The following NR2E3 variants were observed in gnomAD, a reference collection of about 807,000 sequenced individuals.
NR2E3 encodes the protein nuclear receptor subfamily 2 group E member 3, also known as photoreceptor-specific nuclear receptor.
NR2E3 carries 38 observed loss-of-function variants against 37.6 expected under a neutral mutation model. The observed-to-expected ratio is 1.01, with a 90% CI of 0.78 to 1.33. The LOEUF is 1.33. Among genes scored for constraint, NR2E3 ranks in the 40% most tolerant of loss-of-function variants. The pLI is 0.00. For synonymous variants in NR2E3, 235 were observed against 225.1 expected (o/e 1.04, Z -0.39); for missense variants, 562 against 558.7 (o/e 1.01, Z -0.06).
intron 4 of NR2E3, 76 bp from the exon 5 acceptor site, chr15:71,812,260 C>G (rs2054190608): frequency 6.2e-7 from 1 of 1,609,912 alleles, no homozygotes. Flanking sequence ...TTGATCCTCC[C>G]TCCCCCGGGG....
Position 71,810,631 on chromosome 15 carries a change from C to A in NR2E3, c.-113C>A. Reference sequence around the variant, plus strand: ...GCAGCTCCTGAGTTCAGACAGAGTTCAGGAAGGGAGACAGGGGCACAGAGA... The same window carrying A: ...GCAGCTCCTGAGTTCAGACAGAGTTAAGGAAGGGAGACAGGGGCACAGAGA... On this transcript the variant is annotated 5_prime_UTR_variant, in exon 1 of 8. Coordinates refer to ENST00000617575, the MANE Select transcript of NR2E3 (RefSeq NM_014249.4). The A allele has an allele frequency of 6.7e-7, 1 of 1,484,508 alleles. No homozygotes were observed. The highest frequency in any genetic ancestry group is 1.3e-5 in the South Asian group (1 of 76,298). 92.0% of individuals were successfully genotyped at this position (1,484,508 alleles called of 1,614,324 possible). A position where few individuals can be genotyped will look rare whatever the true frequency, so the allele number is the denominator to read the frequency against.
chr15:71,814,975 G>A (rs1253941436), intron 7 of NR2E3: 11 of 924,376 alleles, frequency 1.2e-5, no homozygotes, highest in Non-Finnish European at 1.3e-5. Flanking sequence ...CAGGAGGAAA[G>A]ACGGTTTTGA....
chr15:71,810,627 A>C lies in NR2E3; in HGVS notation c.-117A>C. 1.0e-5 allele frequency: 15 copies of C among 1,462,830 alleles called. No homozygotes were observed. The highest frequency in any genetic ancestry group is 1.4e-5 in the Non-Finnish European group (15 of 1,088,902). 90.6% of individuals were successfully genotyped at this position (1,462,830 alleles called of 1,614,324 possible). A position where few individuals can be genotyped will look rare whatever the true frequency, so the allele number is the denominator to read the frequency against. On this transcript the variant is annotated 5_prime_UTR_variant, in exon 1 of 8. Coordinates refer to ENST00000617575, the MANE Select transcript of NR2E3 (RefSeq NM_014249.4). ...TGGGGCAGCTCCTGAGTTCAGACAG[A>C]GTTCAGGAAGGGAGACAGGGGCACA...
rs368095184 is a variant in NR2E3, at chr15:71,811,484, C to T, written c.120C>T (p.Gly40=). ...GRWGLGEDPT[G]VSPSLQCRVC... ...CCAGCCCTGCCCCCTGCCCCTCAGG[C>T]GTGAGCCCCTCGCTCCAGTGCCGCG... The change falls in exon 2 of 8, where the codon GGC becomes GGT. Residue 40 remains glycine, a splice_region_variant and synonymous_variant. Transcript: ENST00000617575. This position sits in a 1 kb window ranked among gnomAD's most constrained non-coding sequence, Gnocchi z 5.6. The T allele has an allele frequency of 8.4e-6, 13 of 1,556,146 alleles. No individual in the cohort carries two copies. The highest frequency in any genetic ancestry group is 1.2e-5 in the South Asian group (1 of 84,312).
In NR2E3 at chr15:71,810,663, G is replaced by A. The variant is rs2054170556; in HGVS notation, c.-81G>A. ...GGAGACAGGGGCACAGAGAGACAGA[G>A]GTTCATGGACTGAGGCAAAGGCTGG... On this transcript the variant is annotated 5_prime_UTR_variant, in exon 1 of 8. Transcript: ENST00000617575. The A allele has an allele frequency of 1.3e-6, 2 of 1,539,248 alleles. No homozygotes were observed. The highest frequency in any genetic ancestry group is 4.0e-5 in the Admixed American group (2 of 49,742).
chr15:71,814,334 G>C, intron 7 of NR2E3: 9 of 1,341,886 alleles, frequency 6.7e-6, no homozygotes, highest in Non-Finnish European at 8.6e-6. Context: ...AGAGACAACC[G>C]GCAGTGACCT....
chr15:71,813,311 T>G lies in NR2E3; in HGVS notation c.748-78T>G. On this transcript the variant is annotated intron_variant, in intron 5 of 7. Transcript: ENST00000617575. This position sits in a 1 kb window ranked among gnomAD's most constrained non-coding sequence, Gnocchi z 4.7. ...ACAGCACTTCCATTCCTTGGGTGCC[T>G]GAGATGGTGGCAGAGGCTCCAGACT... 4.4e-5 allele frequency: 67 copies of G among 1,539,574 alleles called. No homozygotes were observed. The highest frequency in any genetic ancestry group is 5.2e-5 in the Non-Finnish European group (59 of 1,138,046).
intron 7 of NR2E3, among the ~76,000 whole-genome samples, chr15:71,816,738 TATA>T (rs763348740): frequency 6.6e-6 from 1 of 151,954 alleles, no homozygotes; most frequent in Non-Finnish European, 1.5e-5. Context: ...ATCATATAAT[TATA>T]ATACTTATAT....
chr15:71,813,903 C>T lies in NR2E3; in HGVS notation c.995-109C>T, dbSNP rs963304576. 2.0e-5 allele frequency: 30 copies of T among 1,537,956 alleles called. No homozygotes were observed. The highest frequency in any genetic ancestry group is 2.4e-5 in the Non-Finnish European group (27 of 1,145,240). Reference sequence around the variant, plus strand: ...TCTGGGCCTGGCAGAGCCCACCCCACAGGGCCCCAGGTCCATGTCTGCAGC... The same window carrying T: ...TCTGGGCCTGGCAGAGCCCACCCCATAGGGCCCCAGGTCCATGTCTGCAGC... On this transcript the variant is annotated intron_variant, in intron 6 of 7. Coordinates refer to ENST00000617575, the MANE Select transcript of NR2E3 (RefSeq NM_014249.4). This position sits in a 1 kb window ranked among gnomAD's most constrained non-coding sequence, Gnocchi z 4.7.
intron 7 of NR2E3, chr15:71,814,519 A>G (rs1047795688): frequency 3.0e-6 from 3 of 1,003,342 alleles, no homozygotes; most frequent in Non-Finnish European, 3.6e-6. Context: ...AAAGGGAGAG[A>G]GGGGCAAGCA....
In NR2E3 at chr15:71,810,867, G is replaced by C. The variant is rs2054173066; in HGVS notation, c.118+6G>C. 1 of 1,549,288 alleles carries C rather than the reference G, an allele frequency of 6.5e-7. No homozygotes were observed. The highest frequency in any genetic ancestry group is 8.7e-7 in the Non-Finnish European group (1 of 1,146,014). Reference sequence around the variant, plus strand: ...CCTGGGGGAGGATCCCACAGGTATGGCTTCTCCTGGAGGTAGGGTTGGGTC... The same window carrying C: ...CCTGGGGGAGGATCCCACAGGTATGCCTTCTCCTGGAGGTAGGGTTGGGTC... On this transcript the variant is annotated splice_donor_region_variant and intron_variant, in intron 1 of 7. Coordinates refer to ENST00000617575, the MANE Select transcript of NR2E3 (RefSeq NM_014249.4).
At position 71,810,581 on chromosome 15, in the gene NR2E3, C is replaced by A; in HGVS notation, c.-163C>A. 9.8e-7 allele frequency: 1 copy of A among 1,019,344 alleles called. No individual in the cohort carries two copies. The highest frequency in any genetic ancestry group is 1.4e-6 in the Non-Finnish European group (1 of 710,788). 63.1% of individuals were successfully genotyped at this position (1,019,344 alleles called of 1,614,324 possible). A position where few individuals can be genotyped will look rare whatever the true frequency, so the allele number is the denominator to read the frequency against. On this transcript the variant is annotated 5_prime_UTR_variant, in exon 1 of 8. It adds an upstream start codon to the 5' untranslated region. Transcript: ENST00000617575. ...AAATCTCCTCAAGCCAGAGCCTGTG[C>A]TGTGAGGGGCTTCGGGACCTTGGGG...
At position 71,812,049 on chromosome 15, in the gene NR2E3, T is replaced by C. The variant is rs533192044; in HGVS notation, c.444T>C (p.Ala148=). Residue 148 remains alanine (A), a synonymous_variant, in exon 4 of 8, where the codon GCT becomes GCC. Transcript: ENST00000617575. ...NTESRPESLV[A]PPAPAGRSPR... ...AGTCCCGGCCGGAGTCCCTGGTGGC[T>C]CCCCCGGCCCCGGCAGGGCGCAGCC... 51 of 1,553,220 alleles carry C rather than the reference T, an allele frequency of 3.3e-5. No individual in the cohort carries two copies. The highest frequency in any genetic ancestry group is 1.7e-4 in the Middle Eastern group (1 of 5,992).
Position 71,817,549 on chromosome 15 carries a change from C to G in NR2E3, c.1101-3C>G. ...AACTGATGGCGTCCTCTCTCCTGTT[C>G]AGGTTTGGGAAATTGCTCCTGCTCC... On this transcript the variant is annotated splice_polypyrimidine_tract_variant and splice_region_variant and intron_variant, in intron 7 of 7. Transcript: ENST00000617575. 2 of 1,587,542 alleles carry G rather than the reference C, an allele frequency of 1.3e-6. No individual in the cohort carries two copies.
chr15:71,814,432 G>C, intron 7 of NR2E3: 1 of 1,121,714 alleles, frequency 8.9e-7, no homozygotes, highest in Non-Finnish European at 1.1e-6. Flanking sequence ...GAAACATAAA[G>C]CAGAATTGGG....
intron 7 of NR2E3, 73 bp downstream of exon 7, chr15:71,814,190 C>A: frequency 6.5e-7 from 1 of 1,530,778 alleles, no homozygotes; most frequent in South Asian, 1.2e-5. Flanking sequence ...CCACACTCTC[C>A]CAGAGCTCAC....
In NR2E3 at chr15:71,817,952, A is replaced by C. The variant is rs2054240456; in HGVS notation, c.*268A>C. On this transcript the variant is annotated 3_prime_UTR_variant, in exon 8 of 8. Transcript: ENST00000617575. ...ATGAATTACGGATACATGTGGCAAC[A>C]CAGGTAAACTTCACAGACATAAAAG... 3.9e-6 allele frequency: 1 copy of C among 257,266 alleles called. No homozygotes were observed. Among genetic ancestry groups the C allele is most frequent in the East Asian group, 6.6e-5 (1 of 15,162 alleles). The allele number at this position is 257,266 out of a possible 1,614,324, so 15.9% of individuals were successfully genotyped here. A position where few individuals can be genotyped will look rare whatever the true frequency, so the allele number is the denominator to read the frequency against.
chr15:71,814,067 A>G lies in NR2E3; in HGVS notation c.1050A>G (p.Gln350=). The G allele has an allele frequency of 6.2e-7, 1 of 1,612,864 alleles. No homozygotes were observed. The highest frequency in any genetic ancestry group is 8.5e-7 in the Non-Finnish European group (1 of 1,179,790). The change falls in exon 7 of 8, where the codon CAA becomes CAG. Residue 350 remains glutamine (Q), a synonymous_variant. Coordinates refer to ENST00000617575, the MANE Select transcript of NR2E3 (RefSeq NM_014249.4). ...TAGAGGCCTTGCAGGACCAGTCCCA[A>G]GTGATGCTGAGCCAGCACAGCAAGG... ...EHVEALQDQS[Q]VMLSQHSKAH... is the part of the protein sequence containing the mutation.
rs933384956 is a variant in NR2E3, at chr15:71,814,071, A to G, written c.1054A>G (p.Met352Val). The change falls in exon 7 of 8, where the codon ATG (methionine) becomes GTG (valine). Residue 352 changes from methionine (M) to valine (V), a missense_variant. Coordinates refer to ENST00000617575, the MANE Select transcript of NR2E3 (RefSeq NM_014249.4). ...VEALQDQSQV[M>V]LSQHSKAHHP... ...GGCCTTGCAGGACCAGTCCCAAGTGATGCTGAGCCAGCACAGCAAGGCCCA... is the reference window on the plus strand; with the variant it reads ...GGCCTTGCAGGACCAGTCCCAAGTGGTGCTGAGCCAGCACAGCAAGGCCCA... 65 of 1,612,722 alleles carry G rather than the reference A, an allele frequency of 4.0e-5. No homozygotes were observed. The highest frequency in any genetic ancestry group is 5.4e-5 in the Non-Finnish European group (64 of 1,179,812).
Sources: allele counts gnomAD v4.1 joint callset (sites outside exome capture counted in the v4.1 genomes callset), GRCh38; gene constraint gnomAD v4.1.1; non-coding constraint Gnocchi (gnomAD v3.1); transcripts MANE v1.5; gene names NCBI Gene and HGNC (gene_info 2026-07-23, HGNC 2026-07-21).